The following CLVS2 variants were observed in gnomAD, a reference collection of about 807,000 sequenced individuals.
The protein encoded by CLVS2 is clavesin-2.
In CLVS2, 19 loss-of-function variants were observed where a neutral mutation model predicts 29.0. The observed-to-expected ratio is 0.66, with a 90% confidence interval of 0.46 to 0.96. The LOEUF (loss-of-function observed/expected upper bound fraction) is 0.96, where lower values mean the gene tolerates loss of function less well. Ranked by LOEUF, CLVS2 falls within the 40% of genes least tolerant of loss-of-function variation. The probability of loss-of-function intolerance (pLI) is 0.00; values close to 1 mark genes in which losing one functional copy is unlikely to be tolerated. For missense variants in CLVS2, 294 were observed against 404.1 expected (o/e 0.73, Z 2.34); for synonymous variants, 161 against 151.3 (o/e 1.06, Z -0.47).
At chr6:123,045,339 G>A (rs73543793) in intron 3 of CLVS2, among the ~76,000 whole-genome samples, 2,801 of 152,162 alleles carry the variant, frequency 0.018, 86 homozygotes, top group African/African-American at 0.064. Flanking sequence ...AGTTAAAGGA[G>A]GACTACAGCT....
At chr6:123,034,096 C>T (rs528291957) in intron 3 of CLVS2, among the ~76,000 whole-genome samples, 1 of 152,202 alleles carries the variant, frequency 6.6e-6, no homozygotes, top group South Asian at 2.1e-4. Flanking sequence ...AACTGGCTCT[C>T]TCATTCTTTA....
chr6:122,999,532 C>T (rs957515137), intron 2 of CLVS2, among the ~76,000 whole-genome samples: 4 of 152,116 alleles, frequency 2.6e-5, no homozygotes, highest in African/African-American at 9.7e-5. Context: ...CACTTTTTAT[C>T]AGGTAGCTGA....
intron 3 of CLVS2, among the ~76,000 whole-genome samples, chr6:123,028,829 A>G (rs947758769): frequency 2.0e-5 from 3 of 152,132 alleles, no homozygotes; most frequent in African/African-American, 7.2e-5. Context: ...ATAGTGTATT[A>G]TTCACCTTCT....
intron 3 of CLVS2, among the ~76,000 whole-genome samples, chr6:123,016,772 C>T (rs1774840692): frequency 6.6e-6 from 1 of 152,062 alleles, no homozygotes; most frequent in Non-Finnish European, 1.5e-5. Context: ...AATATGTAAT[C>T]AATTCACTGG....
chr6:123,060,341 C>T lies in CLVS2; in HGVS notation c.897-3333C>T, dbSNP rs909691412. Among the ~76,000 whole-genome samples the T allele has an allele frequency of 5.3e-5, 8 of 152,212 alleles. 1 individual carries two copies. The highest frequency in any genetic ancestry group is 6.8e-3 in the Middle Eastern group (2 of 294). On this transcript the variant is annotated intron_variant, in intron 5 of 5. Transcript: ENST00000275162. ...CTGGAGAGTGTCTTTTACCTTATGC[C>T]GCCAATGCCTAAGATAGTGCCTGGC...
In CLVS2 at chr6:123,006,068, C is replaced by A. The variant is rs74531335; in HGVS notation, c.390-4917C>A. On this transcript the variant is annotated intron_variant, in intron 2 of 5. Transcript: ENST00000275162. ...AGCTTATATGTCTGGGGCCATAGAACAAACACTGAAGCACTATAATTTCAG... is the reference window on the plus strand; with the variant it reads ...AGCTTATATGTCTGGGGCCATAGAAAAAACACTGAAGCACTATAATTTCAG... Among the ~76,000 whole-genome samples, 1,059 of 152,254 alleles carry A rather than the reference C, an allele frequency of 7.0e-3. 7 individuals are homozygous for A. Among genetic ancestry groups the A allele is most frequent in the African/African-American group, 0.023 (976 of 41,540 alleles).
At chr6:123,060,924 A>G (rs1296509625) in intron 5 of CLVS2, among the ~76,000 whole-genome samples, 1 of 152,232 alleles carries the variant, frequency 6.6e-6, no homozygotes, top group Admixed American at 6.5e-5. Flanking sequence ...AGAAATGAGT[A>G]TTGGATATCT....
chr6:123,025,353 T>C (rs985430813), intron 3 of CLVS2, among the ~76,000 whole-genome samples: 5 of 152,162 alleles, frequency 3.3e-5, no homozygotes, highest in African/African-American at 4.8e-5. Context: ...GCCCAGTTCT[T>C]GGCTCATTGT....
At chr6:123,000,952 C>A (rs1220132647) in intron 2 of CLVS2, among the ~76,000 whole-genome samples, 1 of 152,154 alleles carries the variant, frequency 6.6e-6, no homozygotes, top group Admixed American at 6.5e-5. Context: ...AATTTTCCAA[C>A]TACAAAAGGA....
At chr6:123,040,790 AAAAG>A (rs201612363) in intron 3 of CLVS2, among the ~76,000 whole-genome samples, 293 of 152,268 alleles carry the variant, frequency 1.9e-3, no homozygotes, top group African/African-American at 6.8e-3. Flanking sequence ...AAAAGAAAAG[AAAAG>A]AAAAGAAAAG....
chr6:123,041,235 G>T (rs1775228608), intron 3 of CLVS2, among the ~76,000 whole-genome samples: 1 of 152,094 alleles, frequency 6.6e-6, no homozygotes, highest in Admixed American at 6.6e-5. Flanking sequence ...TTGAGTAGAA[G>T]TTGAAAACTC....
chr6:123,056,840 G>T (rs1351784624), intron 5 of CLVS2, among the ~76,000 whole-genome samples: 1 of 152,138 alleles, frequency 6.6e-6, no homozygotes, highest in Non-Finnish European at 1.5e-5. Context: ...CAATATCTCT[G>T]CCAAGTCTTT....
intron 3 of CLVS2, among the ~76,000 whole-genome samples, chr6:123,036,302 G>A (rs915066368): frequency 2.6e-5 from 4 of 152,052 alleles, no homozygotes; most frequent in Non-Finnish European, 5.9e-5. Context: ...AGTCACAGGG[G>A]GTAAAGCAAA....
intron 3 of CLVS2, among the ~76,000 whole-genome samples, chr6:123,030,017 C>T (rs1271144989): frequency 3.3e-5 from 5 of 152,190 alleles, no homozygotes; most frequent in Admixed American, 2.6e-4. Flanking sequence ...AACCTCTGCA[C>T]ACTGGACATT....
At chr6:123,015,241 G>T (rs1250528398) in intron 3 of CLVS2, among the ~76,000 whole-genome samples, 5 of 152,002 alleles carry the variant, frequency 3.3e-5, no homozygotes, top group African/African-American at 1.2e-4. Flanking sequence ...ATAAAAGACT[G>T]CATACTATAT....
intron 3 of CLVS2, among the ~76,000 whole-genome samples, chr6:123,042,262 A>G (rs1347501766): frequency 1.3e-5 from 2 of 152,162 alleles, no homozygotes; most frequent in East Asian, 1.9e-4. Flanking sequence ...AAGCCATTCA[A>G]TTATCTTTTT....
intron 3 of CLVS2, among the ~76,000 whole-genome samples, chr6:123,013,575 C>T (rs968941653): frequency 6.6e-6 from 1 of 151,908 alleles, no homozygotes; most frequent in African/African-American, 2.4e-5. Context: ...TTGAGGACTC[C>T]TTGTCTCTTT....
At chr6:123,062,956 T>C (rs1772800618) in intron 5 of CLVS2, among the ~76,000 whole-genome samples, 1 of 152,206 alleles carries the variant, frequency 6.6e-6, no homozygotes, top group Non-Finnish European at 1.5e-5. Flanking sequence ...TAATGACAAA[T>C]TGAGACAGAA....
At chr6:123,029,668 T>G (rs1455323383) in intron 3 of CLVS2, among the ~76,000 whole-genome samples, 1 of 152,160 alleles carries the variant, frequency 6.6e-6, no homozygotes, top group Non-Finnish European at 1.5e-5. Context: ...TTGTTTGTTT[T>G]GTTTGTTTGT....
Sources: allele counts gnomAD v4.1 joint callset (sites outside exome capture counted in the v4.1 genomes callset), GRCh38; gene constraint gnomAD v4.1.1; transcripts MANE v1.5; gene names NCBI Gene and HGNC (gene_info 2026-07-23, HGNC 2026-07-21).